CADPS2: variants seen among roughly 807,000 people sequenced by gnomAD.
CADPS2 encodes the protein calcium dependent secretion activator 2, also known as calcium-dependent secretion activator 2.
CADPS2 carries 93 observed loss-of-function variants against 172.5 expected under a neutral mutation model. The observed-to-expected ratio is 0.54, with a 90% CI of 0.46 to 0.64. The LOEUF (loss-of-function observed/expected upper bound fraction) is 0.64, where lower values mean the gene tolerates loss of function less well. CADPS2 is among the 30% of genes least tolerant of loss of function. CADPS2 has a pLI of 0.00. For synonymous variants in CADPS2, 546 were observed against 555.2 expected (o/e 0.98, Z 0.23); for missense variants, 1,420 against 1,565.9 (o/e 0.91, Z 1.57).
Position 122,380,259 on chromosome 7 carries a change from T to G in CADPS2, c.3313-817A>C, listed in dbSNP as rs927252011. On this transcript the variant is annotated intron_variant, in intron 24 of 29. Coordinates refer to ENST00000449022, the MANE Select transcript of CADPS2 (RefSeq NM_017954.11). ...ATCCATTTAAACAGTAATTCTTCCT[T>G]TAGAAGCATTTATCTGACAACTGAT... 9.9e-5 allele frequency among the ~76,000 whole-genome samples: 15 copies of G among 152,212 alleles called. 1 individual carries two copies. The highest frequency in any genetic ancestry group is 7.2e-4 in the Admixed American group (11 of 15,276).
chr7:122,583,518 T>TTATA (rs1587571267), intron 6 of CADPS2, among the ~76,000 whole-genome samples: 1 of 151,766 alleles, frequency 6.6e-6, no homozygotes, highest in East Asian at 1.9e-4. Flanking sequence ...TTTTCAGTAG[T>TTATA]CTTTTATAGG....
chr7:122,432,639 A>G (rs1563323658), intron 17 of CADPS2, among the ~76,000 whole-genome samples: 2 of 111,158 alleles, frequency 1.8e-5, no homozygotes, highest in Non-Finnish European at 3.9e-5. Context: ...AGACTCTGTT[A>G]AAATAAAAAA....
intron 1 of CADPS2, among the ~76,000 whole-genome samples, chr7:122,866,400 C>T (rs1165301247): frequency 1.3e-5 from 2 of 152,080 alleles, no homozygotes; most frequent in African/African-American, 4.8e-5. Flanking sequence ...TAAATTCCAT[C>T]TTAACAAAGT....
At chr7:122,417,257 T>C (rs1317281097) in intron 17 of CADPS2, among the ~76,000 whole-genome samples, 1 of 152,198 alleles carries the variant, frequency 6.6e-6, no homozygotes, top group Non-Finnish European at 1.5e-5. Context: ...ATTCATTATA[T>C]ACTCACTGTA....
intron 1 of CADPS2, among the ~76,000 whole-genome samples, chr7:122,793,843 C>A (rs1436847059): frequency 6.6e-6 from 1 of 152,066 alleles, no homozygotes; most frequent in Non-Finnish European, 1.5e-5. Flanking sequence ...ACTCCCTTAG[C>A]ATTTGCCTTT....
intron 2 of CADPS2, among the ~76,000 whole-genome samples, chr7:122,694,017 G>T (rs1588471037): frequency 6.6e-6 from 1 of 152,150 alleles, no homozygotes; most frequent in East Asian, 1.9e-4. Context: ...CAGAAGCAAA[G>T]ATCTGGTTGA....
chr7:122,876,275 G>GT (rs1249610006), intron 1 of CADPS2, among the ~76,000 whole-genome samples: 1 of 152,182 alleles, frequency 6.6e-6, no homozygotes, highest in Non-Finnish European at 1.5e-5. Context: ...GGTCAGGATC[G>GT]TGTCACTGCA....
At chr7:122,702,886 A>G in intron 2 of CADPS2, 1 of 625,036 alleles carries the variant, frequency 1.6e-6, no homozygotes, top group South Asian at 2.2e-5. Context: ...GATCAAAGCT[A>G]TCTTGCTCCT....
chr7:122,794,294 C>A (rs150097833), intron 1 of CADPS2, among the ~76,000 whole-genome samples: 59 of 151,826 alleles, frequency 3.9e-4, no homozygotes, highest in Non-Finnish European at 7.8e-4. Context: ...AGGTTTTGTT[C>A]ATTTCCTTCT....
At chr7:122,660,364 A>G (rs539175782) in intron 3 of CADPS2, among the ~76,000 whole-genome samples, 1 of 152,198 alleles carries the variant, frequency 6.6e-6, no homozygotes, top group East Asian at 1.9e-4. Flanking sequence ...AATCACCAAA[A>G]TTTTGTTTCG....
intron 17 of CADPS2, among the ~76,000 whole-genome samples, chr7:122,435,208 A>C (rs757187780): frequency 6.6e-6 from 1 of 152,210 alleles, no homozygotes; most frequent in Non-Finnish European, 1.5e-5. Flanking sequence ...CAACAAAATT[A>C]AAAAGGCAAT....
chr7:122,705,893 A>AAT (rs1554736653), intron 2 of CADPS2, among the ~76,000 whole-genome samples: 1 of 5,654 alleles, frequency 1.8e-4, no homozygotes, highest in African/African-American at 4.0e-4. Context: ...TAATAAATAT[A>AAT]ATATAATATA....
At chr7:122,640,933 C>CA (rs60107640) in intron 3 of CADPS2, among the ~76,000 whole-genome samples, 119 of 129,692 alleles carry the variant, frequency 9.2e-4, no homozygotes, top group African/African-American at 2.1e-3. Flanking sequence ...GACTCTATCT[C>CA]AAAAAAAAAA....
At chr7:122,659,140 G>A (rs2080195887) in intron 3 of CADPS2, among the ~76,000 whole-genome samples, 1 of 151,858 alleles carries the variant, frequency 6.6e-6, no homozygotes, top group African/African-American at 2.4e-5. Flanking sequence ...GCAAGCATCT[G>A]AACTAGATTC....
At chr7:122,783,024 AACACAG>A (rs1563005186) in intron 1 of CADPS2, among the ~76,000 whole-genome samples, 5 of 152,088 alleles carry the variant, frequency 3.3e-5, no homozygotes, top group Admixed American at 6.6e-5. Flanking sequence ...TATCCTAGCT[AACACAG>A]TGAATCCCCA....
chr7:122,692,456 G>A (rs1232736235), intron 2 of CADPS2, among the ~76,000 whole-genome samples: 3 of 152,208 alleles, frequency 2.0e-5, no homozygotes, highest in Admixed American at 1.3e-4. Flanking sequence ...GCGAAGGTAT[G>A]CTTTTCCTTA....
intron 1 of CADPS2, among the ~76,000 whole-genome samples, chr7:122,872,607 A>C (rs552181043): frequency 1.6e-4 from 24 of 152,048 alleles, no homozygotes; most frequent in Non-Finnish European, 3.1e-4. Flanking sequence ...TTTTCTTATG[A>C]TATTCAGCAT....
intron 1 of CADPS2, among the ~76,000 whole-genome samples, chr7:122,884,701 T>C (rs1356840992): frequency 2.0e-5 from 3 of 152,212 alleles, no homozygotes; most frequent in Non-Finnish European, 2.9e-5. Flanking sequence ...TCTAAGAGGA[T>C]AGATCTTAAG....
chr7:122,705,589 A>G (rs2086913775), intron 2 of CADPS2, among the ~76,000 whole-genome samples: 1 of 111,158 alleles, frequency 9.0e-6, no homozygotes, highest in South Asian at 2.5e-4. Flanking sequence ...TATATTATAT[A>G]ATATATTTTA....
Sources: allele counts gnomAD v4.1 joint callset (sites outside exome capture counted in the v4.1 genomes callset), GRCh38; gene constraint gnomAD v4.1.1; transcripts MANE v1.5; gene names NCBI Gene and HGNC (gene_info 2026-07-23, HGNC 2026-07-21).